FBXO10: variants seen among roughly 807,000 people sequenced by gnomAD.
FBXO10 encodes the protein F-box only protein 10.
In FBXO10, 39 loss-of-function variants were observed where a neutral mutation model predicts 80.7. That is an observed-to-expected ratio of 0.48 (90% CI 0.37 to 0.63). FBXO10 has a LOEUF of 0.63. Among genes scored for constraint, FBXO10 ranks in the 30% least tolerant of loss-of-function variants. The pLI, the probability that FBXO10 is intolerant of heterozygous loss-of-function variation, is 0.00. For synonymous variants in FBXO10, 449 were observed against 489.6 expected, an observed-to-expected ratio of 0.92 and a Z score of 1.09; for missense variants, 1,025 against 1,269.0, an observed-to-expected ratio of 0.81 and a Z score of 2.92.
At chr9:37,519,712 G>A (rs1319203636) in intron 8 of FBXO10, among the ~76,000 whole-genome samples, 2 of 152,192 alleles carry the variant, frequency 1.3e-5, no homozygotes, top group African/African-American at 4.8e-5. Flanking sequence ...CCTGGGAGGA[G>A]ACAGAACTCA....
Position 37,511,226 on chromosome 9 carries a change from G to C in FBXO10, c.*1321C>G, listed in dbSNP as rs771224033. 6.5e-6 allele frequency: 1 copy of C among 152,694 alleles called. No homozygotes were observed. Among genetic ancestry groups the C allele is most frequent in the East Asian group, 1.9e-4 (1 of 5,188 alleles). 9.5% of individuals were successfully genotyped at this position (152,694 alleles called of 1,614,324 possible). A position where few individuals can be genotyped will look rare whatever the true frequency, so the allele number is the denominator to read the frequency against. ...TGGTGAAGGCCCCACAGGAAAGGCCGAGTGGGAGGGGATTGTTCAGGTTGA... is the reference window on the plus strand; with the variant it reads ...TGGTGAAGGCCCCACAGGAAAGGCCCAGTGGGAGGGGATTGTTCAGGTTGA... On this transcript the variant is annotated 3_prime_UTR_variant, in exon 11 of 11. Transcript: ENST00000432825.
At chr9:37,519,335 T>C (rs988233032) in intron 8 of FBXO10, among the ~76,000 whole-genome samples, 1 of 152,172 alleles carries the variant, frequency 6.6e-6, no homozygotes, top group African/African-American at 2.4e-5. Context: ...TGTGTGTACT[T>C]AGAGACACTA....
At position 37,518,062 on chromosome 9, in the gene FBXO10, G is replaced by C. The variant is rs1020655691; in HGVS notation, c.2514+63C>G. 7 of 1,504,878 alleles carry C rather than the reference G, an allele frequency of 4.7e-6. No individual in the cohort carries two copies. The African/African-American group carries it at 6.9e-5, about 15-fold the overall frequency. 93.2% of individuals were successfully genotyped at this position (1,504,878 alleles called of 1,614,324 possible). A position where few individuals can be genotyped will look rare whatever the true frequency, so the allele number is the denominator to read the frequency against. On this transcript the variant is annotated intron_variant, in intron 9 of 10. Coordinates refer to ENST00000432825, the MANE Select transcript of FBXO10 (RefSeq NM_012166.3). ...GTTCTGTTCTCAGCAGAGGCCACGA[G>C]GACTATCCCAGGGTTGTGCCCTGTG...
At chr9:37,569,841 A>C (rs143580415) in intron 1 of FBXO10, among the ~76,000 whole-genome samples, 73 of 152,320 alleles carry the variant, frequency 4.8e-4, no homozygotes, top group East Asian at 1.3e-3. Context: ...AAAAACAAAC[A>C]AACCAACCAA....
At chr9:37,528,549 C>A (rs1041484081) in intron 5 of FBXO10, among the ~76,000 whole-genome samples, 1 of 152,180 alleles carries the variant, frequency 6.6e-6, no homozygotes, top group Admixed American at 6.5e-5. Context: ...TCTGATGCTA[C>A]CTCCTAAATG....
intron 1 of FBXO10, among the ~76,000 whole-genome samples, chr9:37,571,819 G>A (rs1407559912): frequency 1.4e-5 from 2 of 148,132 alleles, no homozygotes; most frequent in Non-Finnish European, 3.0e-5. Flanking sequence ...TCACAAAAGA[G>A]GCAATCCAAT....
At chr9:37,521,892 C>T in intron 7 of FBXO10, 54 bp from the exon 8 acceptor site, 1 of 1,494,908 alleles carries the variant, frequency 6.7e-7, no homozygotes, top group Non-Finnish European at 8.9e-7. Flanking sequence ...GAAGCGGCAC[C>T]TGAGTCTCCC....
At position 37,537,411 on chromosome 9, in the gene FBXO10, C is replaced by A; in HGVS notation, c.1118G>T (p.Arg373Ile). The change falls in exon 3 of 11, where the codon AGA becomes ATA. Residue 373 changes from arginine (R) to isoleucine (I), a missense_variant. Arg to Ile is a moderately conservative substitution (Grantham distance 97, BLOSUM62 -3). Around this residue, in one of 3 missense-constraint regions of FBXO10, gnomAD observed 450 missense variants for 499.4 expected, o/e 0.90. Coordinates refer to ENST00000432825, the MANE Select transcript of FBXO10 (RefSeq NM_012166.3). ...EDEDEDQLMY[R>I]LSYQVQGPRP... The stretch of plus-strand genomic sequence containing the variant: ...TGGGCCCTGCACTTGGTAGGATAGT[C>A]TGTACATCAGCTGGTCCTCATCTTC... The A allele has an allele frequency of 6.3e-6, 10 of 1,599,112 alleles. No individual in the cohort carries two copies. Among genetic ancestry groups the A allele is most frequent in the Non-Finnish European group, 7.7e-6 (9 of 1,172,502 alleles).
chr9:37,571,558 C>T (rs534473648), intron 1 of FBXO10, among the ~76,000 whole-genome samples: 17 of 151,752 alleles, frequency 1.1e-4, no homozygotes, highest in African/African-American at 3.6e-4. Context: ...GCCCCCTCAC[C>T]AGGCTGTGCC....
At chr9:37,522,561 C>T (rs1175546232) in intron 7 of FBXO10, 3 of 1,255,668 alleles carry the variant, frequency 2.4e-6, no homozygotes, top group Non-Finnish European at 3.0e-6. Context: ...GTCCTTAAGA[C>T]ATGACACAAC....
At chr9:37,530,820 T>C (rs1821602625) in intron 4 of FBXO10, among the ~76,000 whole-genome samples, 1 of 152,182 alleles carries the variant, frequency 6.6e-6, no homozygotes, top group South Asian at 2.1e-4. Context: ...TTATAATTTT[T>C]TGTAGAGACA....
chr9:37,559,648 C>G (rs1822427445), intron 1 of FBXO10, among the ~76,000 whole-genome samples: 1 of 152,238 alleles, frequency 6.6e-6, no homozygotes, highest in Non-Finnish European at 1.5e-5. Context: ...AATGGGGCCA[C>G]AAGACTAGTA....
chr9:37,560,847 A>C (rs1177172541), intron 1 of FBXO10, among the ~76,000 whole-genome samples: 1 of 152,156 alleles, frequency 6.6e-6, no homozygotes, highest in Non-Finnish European at 1.5e-5. Context: ...TTTGATTAAA[A>C]AAACTTTTTA....
chr9:37,565,672 T>G (rs961719910), intron 1 of FBXO10, among the ~76,000 whole-genome samples: 1 of 152,206 alleles, frequency 6.6e-6, no homozygotes, highest in Admixed American at 6.5e-5. Flanking sequence ...CATTTTTCAG[T>G]TCAAGAAACT....
chr9:37,519,935 A>G (rs1821286090), intron 8 of FBXO10, among the ~76,000 whole-genome samples: 1 of 151,980 alleles, frequency 6.6e-6, no homozygotes, highest in South Asian at 2.1e-4. Context: ...GCATCCTCCT[A>G]CTTCAGCCTC....
chr9:37,556,121 C>CA (rs993780726), intron 1 of FBXO10, among the ~76,000 whole-genome samples: 48 of 151,646 alleles, frequency 3.2e-4, no homozygotes, highest in African/African-American at 8.7e-4. Flanking sequence ...GTGCCTTTTT[C>CA]AAAAAAAACA....
At chr9:37,536,913 G>A (rs1031059313) in intron 3 of FBXO10, among the ~76,000 whole-genome samples, 197 bp downstream of exon 3, 28 of 152,160 alleles carry the variant, frequency 1.8e-4, no homozygotes, top group Non-Finnish European at 3.8e-4. Context: ...AGTAAGCCAC[G>A]TTCTCTCTCT....
chr9:37,522,144 A>C (rs1004214640), intron 7 of FBXO10, among the ~76,000 whole-genome samples: 1 of 152,226 alleles, frequency 6.6e-6, no homozygotes, highest in Non-Finnish European at 1.5e-5. Context: ...AGGGGGCACC[A>C]ATCCCTCCCT....
intron 1 of FBXO10, among the ~76,000 whole-genome samples, chr9:37,548,262 G>C (rs1376069183): frequency 1.3e-5 from 2 of 152,106 alleles, no homozygotes; most frequent in East Asian, 3.9e-4. Context: ...GTGTGCACCT[G>C]TAATCCCAGT....
Sources: allele counts gnomAD v4.1 joint callset (sites outside exome capture counted in the v4.1 genomes callset), GRCh38; gene constraint gnomAD v4.1.1; regional missense constraint gnomAD v4.1.1; transcripts MANE v1.5; gene names NCBI Gene and HGNC (gene_info 2026-07-23, HGNC 2026-07-21).